SLC44A5: variants seen among roughly 807,000 people sequenced by gnomAD.
SLC44A5 encodes solute carrier family 44 member 5.
SLC44A5 carries 57 observed loss-of-function variants against 101.8 expected under a neutral mutation model. That is an observed-to-expected ratio of 0.56 (90% CI 0.45 to 0.70). The LOEUF is 0.70. Among genes scored for constraint, SLC44A5 ranks in the 30% least tolerant of loss-of-function variants. The pLI is 0.00. For missense variants in SLC44A5, 737 were observed against 853.1 expected (o/e 0.86, Z 1.70); for synonymous variants, 281 against 290.9 (o/e 0.97, Z 0.35).
chr1:75,343,716 G>A (rs1158080800), intron 3 of SLC44A5, among the ~76,000 whole-genome samples: 1 of 152,088 alleles, frequency 6.6e-6, no homozygotes, highest in African/African-American at 2.4e-5. Flanking sequence ...AAATGGAGCA[G>A]TACAAAATTA....
At chr1:75,219,969 CTG>C (rs1296056492) in intron 14 of SLC44A5, 77 bp from the exon 15 acceptor site, 1 of 837,408 alleles carries the variant, frequency 1.2e-6, no homozygotes. Context: ...TCTAAGAAAA[CTG>C]GTAATAACCA....
intron 3 of SLC44A5, among the ~76,000 whole-genome samples, chr1:75,394,924 C>T (rs1662030869): frequency 6.6e-6 from 1 of 152,022 alleles, no homozygotes; most frequent in Non-Finnish European, 1.5e-5. Context: ...TTAGTGGATG[C>T]AAAACCAACA....
intron 4 of SLC44A5, among the ~76,000 whole-genome samples, chr1:75,306,201 T>G (rs910119780): frequency 2.0e-5 from 3 of 152,198 alleles, no homozygotes; most frequent in African/African-American, 7.2e-5. Flanking sequence ...TTGCATTAGA[T>G]ACCATCTGGC....
chr1:75,387,086 A>G (rs1043644852), intron 3 of SLC44A5, among the ~76,000 whole-genome samples: 2 of 152,236 alleles, frequency 1.3e-5, no homozygotes, highest in African/African-American at 4.8e-5. Context: ...CTTACAAGTT[A>G]GACCTAAAAC....
chr1:75,604,284 G>A (rs1159759898), intron 1 of SLC44A5, among the ~76,000 whole-genome samples: 2 of 151,992 alleles, frequency 1.3e-5, no homozygotes, highest in African/African-American at 4.8e-5. Flanking sequence ...TTTCCCCATT[G>A]CTGATTTTGG....
At chr1:75,551,119 C>T (rs184590693) in intron 1 of SLC44A5, among the ~76,000 whole-genome samples, 159 of 152,088 alleles carry the variant, frequency 1.0e-3, no homozygotes, top group Non-Finnish European at 1.5e-3. Context: ...ATACTTATTC[C>T]GTATGCTGAT....
chr1:75,642,469 G>A, the SLC44A5 span, among the ~76,000 whole-genome samples: 1 of 152,000 alleles, frequency 6.6e-6, no homozygotes, highest in Non-Finnish European at 1.5e-5. Context: ...GGGCTGAAGT[G>A]TTCGTCAAGA....
chr1:75,554,650 G>A (rs1038095622), intron 1 of SLC44A5, among the ~76,000 whole-genome samples: 2 of 152,032 alleles, frequency 1.3e-5, no homozygotes, highest in African/African-American at 2.4e-5. Flanking sequence ...GGTTAAAGAT[G>A]TAAACAGAGC....
intron 4 of SLC44A5, among the ~76,000 whole-genome samples, chr1:75,336,300 C>A (rs1008596351): frequency 6.6e-6 from 1 of 151,970 alleles, no homozygotes; most frequent in Non-Finnish European, 1.5e-5. Context: ...ATTAAAGGCA[C>A]GCACCACCAC....
At chr1:75,678,736 C>T in the SLC44A5 span, among the ~76,000 whole-genome samples, 1 of 151,914 alleles carries the variant, frequency 6.6e-6, no homozygotes, top group South Asian at 2.1e-4. Context: ...CAGCTCCTCA[C>T]CAGCAATGGA....
intron 6 of SLC44A5, among the ~76,000 whole-genome samples, chr1:75,264,425 A>C (rs1022423662): frequency 3.3e-5 from 5 of 152,246 alleles, no homozygotes; most frequent in African/African-American, 4.8e-5. Context: ...TGATTATAAA[A>C]AATTAAAATC....
intron 2 of SLC44A5, among the ~76,000 whole-genome samples, chr1:75,505,945 G>C (rs949776793): frequency 6.6e-6 from 1 of 152,042 alleles, no homozygotes; most frequent in Non-Finnish European, 1.5e-5. Flanking sequence ...GTCCAAAATG[G>C]CATTTCCTAG....
chr1:75,217,813 A>T, intron 18 of SLC44A5, 53 bp downstream of exon 18: 1 of 1,194,894 alleles, frequency 8.4e-7, no homozygotes, highest in Non-Finnish European at 1.3e-6. Context: ...GTCTCCCCCA[A>T]CCCCCAACCC....
chr1:75,475,248 T>G (rs999933528), intron 2 of SLC44A5, among the ~76,000 whole-genome samples: 2 of 152,234 alleles, frequency 1.3e-5, no homozygotes, highest in African/African-American at 4.8e-5. Context: ...CCAATATCAT[T>G]TGAGGAAACC....
At chr1:75,252,611 C>T (rs1649675927) in intron 6 of SLC44A5, among the ~76,000 whole-genome samples, 1 of 152,180 alleles carries the variant, frequency 6.6e-6, no homozygotes, top group South Asian at 2.1e-4. Context: ...GAGAATCTCT[C>T]ATAGAGACTG....
At chr1:75,316,238 C>T (rs1655676336) in intron 4 of SLC44A5, among the ~76,000 whole-genome samples, 1 of 152,196 alleles carries the variant, frequency 6.6e-6, no homozygotes, top group African/African-American at 2.4e-5. Flanking sequence ...GGCTTTTTAT[C>T]TTGATGAACC....
chr1:75,590,705 G>A (rs1448321264), intron 1 of SLC44A5, among the ~76,000 whole-genome samples: 1 of 152,164 alleles, frequency 6.6e-6, no homozygotes, highest in African/African-American at 2.4e-5. Context: ...GCTATGGGGT[G>A]AGGTTCCTCT....
At chr1:75,225,796 A>T (rs560637451) in intron 13 of SLC44A5, among the ~76,000 whole-genome samples, 1 of 152,352 alleles carries the variant, frequency 6.6e-6, no homozygotes, top group Admixed American at 6.5e-5. Flanking sequence ...CAGTATTCCT[A>T]GACTTGAAAA....
intron 1 of SLC44A5, among the ~76,000 whole-genome samples, chr1:75,573,273 G>T (rs1221984269): frequency 1.3e-5 from 2 of 151,918 alleles, no homozygotes; most frequent in East Asian, 3.9e-4. Flanking sequence ...GAACCCGGGA[G>T]GCAGAGGTTG....
Sources: gnomAD v4.1 joint callset for allele counts (sites outside exome capture counted in the v4.1 genomes callset) on GRCh38, gnomAD v4.1.1 for gene constraint, MANE v1.5 for transcripts, NCBI Gene and HGNC (gene_info 2026-07-23, HGNC 2026-07-21) for gene names.